MLLT10: variants seen among roughly 807,000 people sequenced by gnomAD.
MLLT10 encodes protein AF-10.
MLLT10 carries 30 observed loss-of-function variants against 129.1 expected under a neutral mutation model. The observed-to-expected ratio is 0.23, with a 90% CI of 0.17 to 0.32. The LOEUF (loss-of-function observed/expected upper bound fraction) is 0.32, where lower values mean the gene tolerates loss of function less well. Ranked by LOEUF, MLLT10 falls within the 10% of genes least tolerant of loss-of-function variation. The pLI, the probability that MLLT10 is intolerant of heterozygous loss-of-function variation, is 1.00. For synonymous variants in MLLT10, 490 were observed against 446.4 expected, an observed-to-expected ratio of 1.10 and a Z score of -1.23; for missense variants, 1,119 against 1,268.3, an observed-to-expected ratio of 0.88 and a Z score of 1.79.
chr10:21,563,339 C>A (rs1231569851), intron 3 of MLLT10, among the ~76,000 whole-genome samples: 1 of 151,976 alleles, frequency 6.6e-6, no homozygotes, highest in Non-Finnish European at 1.5e-5. Context: ...GCCTAGACAA[C>A]ATGGTGAAAC....
At chr10:21,618,744 G>C (rs542992053) in intron 8 of MLLT10, among the ~76,000 whole-genome samples, 6 of 151,574 alleles carry the variant, frequency 4.0e-5, no homozygotes, top group African/African-American at 1.5e-4. Flanking sequence ...AACGATTCTC[G>C]TGTCTCAGCC....
chr10:21,624,725 T>C (rs2046253348), intron 8 of MLLT10: 1 of 1,313,366 alleles, frequency 7.6e-7, no homozygotes, highest in Non-Finnish European at 1.1e-6. Context: ...CTGTTGTTTG[T>C]TGGTCTGACG....
At chr10:21,655,615 T>G (rs188480872) in intron 9 of MLLT10, among the ~76,000 whole-genome samples, 1 of 152,324 alleles carries the variant, frequency 6.6e-6, no homozygotes, top group African/African-American at 2.4e-5. Flanking sequence ...GCCTGTAGTT[T>G]GCTGTATCCT....
At chr10:21,602,746 T>G (rs2043668727) in intron 5 of MLLT10, among the ~76,000 whole-genome samples, 1 of 152,004 alleles carries the variant, frequency 6.6e-6, no homozygotes, top group South Asian at 2.1e-4. Flanking sequence ...TTTTTTTTTT[T>G]GAGACAGTGT....
chr10:21,726,442 A>G (rs2057516197), intron 15 of MLLT10, 87 bp downstream of exon 15: 1 of 881,978 alleles, frequency 1.1e-6, no homozygotes, highest in African/African-American at 1.7e-5. Flanking sequence ...ATTTGAAAAC[A>G]TGCAGGGATG....
At chr10:21,587,189 T>C (rs751822990) in intron 4 of MLLT10, among the ~76,000 whole-genome samples, 2 of 151,894 alleles carry the variant, frequency 1.3e-5, no homozygotes, top group Non-Finnish European at 2.9e-5. Flanking sequence ...CACTGGAGCA[T>C]AGGAGTCTGA....
At chr10:21,592,384 T>G (rs773613293) in intron 4 of MLLT10, among the ~76,000 whole-genome samples, 2 of 152,170 alleles carry the variant, frequency 1.3e-5, no homozygotes, top group Non-Finnish European at 2.9e-5. Flanking sequence ...AGTTTTTCTT[T>G]TGATAACTTG....
At position 21,534,509 on chromosome 10, in the gene MLLT10, G is replaced by A. The variant is rs926751983; in HGVS notation, c.-12G>A. 30 of 925,838 alleles carry A rather than the reference G, an allele frequency of 3.2e-5. No individual in the cohort carries two copies. Among genetic ancestry groups the A allele is most frequent in the African/African-American group, 2.4e-4 (14 of 59,280 alleles). The allele number at this position is 925,838 out of a possible 1,614,324, so 57.4% of individuals were successfully genotyped here. ...CTGTGCGGAACGTGAGTGACTGAGCGGCAAAGCCCGAGTGAGCGAGCGGTG... is the reference window on the plus strand; with the variant it reads ...CTGTGCGGAACGTGAGTGACTGAGCAGCAAAGCCCGAGTGAGCGAGCGGTG... On this transcript the variant is annotated 5_prime_UTR_variant, in exon 1 of 23. Coordinates refer to ENST00000307729, the MANE Select transcript of MLLT10 (RefSeq NM_001195626.3).
intron 13 of MLLT10, among the ~76,000 whole-genome samples, chr10:21,683,218 G>A (rs2052928145): frequency 6.6e-6 from 1 of 152,056 alleles, no homozygotes; most frequent in Admixed American, 6.6e-5. Context: ...TCGTTAGGGT[G>A]GGAGTCTTAT....
intron 17 of MLLT10, among the ~76,000 whole-genome samples, chr10:21,732,341 GGC>G (rs2058039117): frequency 6.6e-6 from 1 of 152,168 alleles, no homozygotes; most frequent in Non-Finnish European, 1.5e-5. Flanking sequence ...CTGGAGAGGT[GGC>G]TGGGCGCACA....
At chr10:21,728,007 A>C in intron 16 of MLLT10, 79 bp downstream of exon 16, 1 of 1,174,176 alleles carries the variant, frequency 8.5e-7, no homozygotes, top group South Asian at 1.3e-5. Context: ...ATATCAGTAG[A>C]GTGTACATTT....
At chr10:21,708,627 G>A in intron 13 of MLLT10, 1 of 984,962 alleles carries the variant, frequency 1.0e-6, no homozygotes, top group Non-Finnish European at 1.2e-6. Context: ...TGTGATTACT[G>A]GATTGCACAT....
At chr10:21,674,536 G>C (rs1341039030) in intron 11 of MLLT10, among the ~76,000 whole-genome samples, 1 of 152,100 alleles carries the variant, frequency 6.6e-6, no homozygotes, top group Non-Finnish European at 1.5e-5. Context: ...TAAGACAAGT[G>C]AGTTGATATA....
intron 2 of MLLT10, among the ~76,000 whole-genome samples, chr10:21,536,349 T>C (rs1439838460): frequency 6.6e-6 from 1 of 152,206 alleles, no homozygotes; most frequent in East Asian, 1.9e-4. Flanking sequence ...TTCATTGGCA[T>C]TTTGAAGGCC....
At chr10:21,687,090 C>T (rs1224154278) in intron 13 of MLLT10, among the ~76,000 whole-genome samples, 1 of 152,120 alleles carries the variant, frequency 6.6e-6, no homozygotes, top group African/African-American at 2.4e-5. Context: ...TTTAAATTCC[C>T]TTTAATTATG....
intron 8 of MLLT10, among the ~76,000 whole-genome samples, chr10:21,648,387 T>G (rs1371735311): frequency 6.6e-6 from 1 of 152,214 alleles, no homozygotes; most frequent in Non-Finnish European, 1.5e-5. Context: ...CTATATTGTA[T>G]GTTTTCACAC....
chr10:21,651,648 G>A (rs773169956), intron 8 of MLLT10, 25 bp from the exon 9 acceptor site: 5 of 1,537,894 alleles, frequency 3.3e-6, no homozygotes, highest in Non-Finnish European at 4.5e-6. Context: ...AATTAAAATT[G>A]GATTTTACTT....
rs774051455 is a variant in MLLT10, at chr10:21,670,459, G to A, written c.806G>A (p.Ser269Asn). The change falls in exon 10 of 23, where the codon AGC becomes AAC. Residue 269 changes from serine to asparagine, a missense_variant. By Grantham distance (46) the Ser-to-Asn change is conservative. Transcript: ENST00000307729. ...GAATCAAAATGTTAGACTTATACAAGCACTAGCAACAACTCTATATCTGGA... is the reference window on the plus strand; with the variant it reads ...GAATCAAAATGTTAGACTTATACAAACACTAGCAACAACTCTATATCTGGA... ...LTVTTEKTYT[S>N]TSNNSISGSL... 3 of 1,610,340 alleles carry A rather than the reference G, an allele frequency of 1.9e-6. No homozygotes were observed. Among genetic ancestry groups the A allele is most frequent in the East Asian group, 2.2e-5 (1 of 44,824 alleles).
At chr10:21,693,786 T>C (rs2054107553) in intron 13 of MLLT10, among the ~76,000 whole-genome samples, 1 of 152,226 alleles carries the variant, frequency 6.6e-6, no homozygotes, top group Non-Finnish European at 1.5e-5. Context: ...GTTCTTTAAG[T>C]TTTTGTAATT....
Sources: gnomAD v4.1 joint callset for allele counts (sites outside exome capture counted in the v4.1 genomes callset) on GRCh38, gnomAD v4.1.1 for gene constraint, MANE v1.5 for transcripts, NCBI Gene and HGNC (gene_info 2026-07-23, HGNC 2026-07-21) for gene names.